Variants in RABGAP1 observed in about 807,000 individuals in gnomAD.
RABGAP1 encodes rab GTPase-activating protein 1.
RABGAP1 carries 23 observed loss-of-function variants against 137.6 expected under a neutral mutation model. That is an observed-to-expected ratio of 0.17 (90% CI 0.12 to 0.24). RABGAP1 has a LOEUF of 0.24. Ranked by LOEUF, RABGAP1 falls within the 10% of genes least tolerant of loss-of-function variation. RABGAP1 has a pLI of 1.00. For missense variants in RABGAP1, 906 were observed against 1,275.8 expected, an observed-to-expected ratio of 0.71 and a Z score of 4.42; for synonymous variants, 451 against 450.7, an observed-to-expected ratio of 1.00 and a Z score of -0.01.
intron 6 of RABGAP1, among the ~76,000 whole-genome samples, chr9:122,993,232 A>C (rs754245419): frequency 4.6e-5 from 7 of 152,126 alleles, no homozygotes; most frequent in African/African-American, 1.7e-4. Context: ...AGAATAATTA[A>C]TGCTCTTCTC....
At chr9:122,955,732 G>C (rs1389447538) in intron 1 of RABGAP1, among the ~76,000 whole-genome samples, 7 of 152,092 alleles carry the variant, frequency 4.6e-5, no homozygotes, top group Admixed American at 4.6e-4. Context: ...TCTCCTGCCA[G>C]ATGTTTATAT....
chr9:122,945,147 C>CTTTTTTTTCTTTTTTTTTTTTTTTTTTTT (rs1833874522), intron 1 of RABGAP1, among the ~76,000 whole-genome samples: 1 of 75,768 alleles, frequency 1.3e-5, no homozygotes, highest in Non-Finnish European at 2.9e-5. Context: ...ATAGCTGTTG[C>CTTTTTTTTCTTTTTTTTTTTTTTTTTTTT]TTTTTTTTTT....
At chr9:122,945,165 G>T (rs1481247527) in intron 1 of RABGAP1, among the ~76,000 whole-genome samples, 7 of 13,614 alleles carry the variant, frequency 5.1e-4, no homozygotes, top group Non-Finnish European at 1.3e-3. Flanking sequence ...TTTTTTTTTA[G>T]CATAAACTGG....
intron 6 of RABGAP1, among the ~76,000 whole-genome samples, chr9:122,993,412 T>G (rs1383898699): frequency 1.3e-5 from 2 of 152,048 alleles, no homozygotes; most frequent in Non-Finnish European, 2.9e-5. Flanking sequence ...GCTGGAATTA[T>G]AGGTGCCCAC....
chr9:123,087,668 G>C (rs940190174), intron 19 of RABGAP1, among the ~76,000 whole-genome samples: 2 of 152,176 alleles, frequency 1.3e-5, no homozygotes, highest in Non-Finnish European at 2.9e-5. Context: ...TCTTTCTGTA[G>C]AGGTCAGCTG....
At position 123,010,408 on chromosome 9, in the gene RABGAP1, T is replaced by C. The variant is rs1445164646; in HGVS notation, c.1429T>C (p.Leu477=). 5 of 1,613,682 alleles carry C rather than the reference T, an allele frequency of 3.1e-6. No homozygotes were observed. Among genetic ancestry groups the C allele is most frequent in the Non-Finnish European group, 4.2e-6 (5 of 1,179,738 alleles). ...NTDTLYEVVC[L]ESESERERRK... Reference sequence around the variant, plus strand: ...TGACACTTTATATGAAGTTGTATGCTTGGAAAGTGAATCAGAAAGAGAGAG... The same window carrying C: ...TGACACTTTATATGAAGTTGTATGCCTGGAAAGTGAATCAGAAAGAGAGAG... Residue 477 remains leucine (L), a synonymous_variant, in exon 11 of 26, where the codon TTG becomes CTG. Transcript: ENST00000373647.
At chr9:123,035,651 T>G in intron 13 of RABGAP1, 1 of 76,892 alleles carries the variant, frequency 1.3e-5, no homozygotes, top group African/African-American at 8.2e-5. Flanking sequence ...TGTGTGTGTG[T>G]GTGTGTGTGT....
rs1197344749 is a variant in RABGAP1 at position 123,081,411 on chromosome 9, A to G, written c.2424+4649A>G. Among the ~76,000 whole-genome samples the G allele has an allele frequency of 2.6e-5, 4 of 152,128 alleles. No homozygotes were observed. The East Asian group carries it at 7.7e-4, about 29-fold the overall frequency. ...TTTGCCTCACATGCCAGTCTAGGAAAAAGATAGCTACTTTTGTTGTCATTG... is the reference window on the plus strand; with the variant it reads ...TTTGCCTCACATGCCAGTCTAGGAAGAAGATAGCTACTTTTGTTGTCATTG... On this transcript the variant is annotated intron_variant, in intron 19 of 25. Coordinates refer to ENST00000373647, the MANE Select transcript of RABGAP1 (RefSeq NM_012197.4).
intron 2 of RABGAP1, among the ~76,000 whole-genome samples, chr9:122,982,195 T>C (rs1836104350): frequency 6.6e-6 from 1 of 152,246 alleles, no homozygotes; most frequent in Admixed American, 6.5e-5. Flanking sequence ...TTACTATTTT[T>C]AAACCACTCT....
intron 2 of RABGAP1, among the ~76,000 whole-genome samples, chr9:122,964,096 C>T (rs1834999481): frequency 6.6e-6 from 1 of 152,120 alleles, no homozygotes; most frequent in Non-Finnish European, 1.5e-5. Context: ...CCCAAAGAAA[C>T]CCTGGACTCA....
At chr9:122,936,429 C>T (rs1426544473), upstream of RABGAP1, among the ~76,000 whole-genome samples, 2 of 152,212 alleles carry the variant, frequency 1.3e-5, no homozygotes, top group Non-Finnish European at 2.9e-5. Context: ...TATGTTGGAA[C>T]TCTGGAGTCT....
In RABGAP1 at chr9:122,996,197, T is replaced by A. The variant is rs759776529; in HGVS notation, c.1034+46T>A. 33 of 1,576,108 alleles carry A rather than the reference T, an allele frequency of 2.1e-5. 1 individual carries two copies. In the South Asian group the frequency reaches 3.8e-4, roughly 18 times the overall value. On this transcript the variant is annotated intron_variant, in intron 7 of 25. Coordinates refer to ENST00000373647, the MANE Select transcript of RABGAP1 (RefSeq NM_012197.4). ...TAGCTTAAATATAAATTTTGGCTTT[T>A]ATCAATCTAATGGCATAGTTTTACA... is the stretch of plus-strand genomic sequence containing the variant.
intron 1 of RABGAP1, among the ~76,000 whole-genome samples, chr9:122,949,799 C>T (rs1834135566): frequency 6.6e-6 from 1 of 151,906 alleles, no homozygotes. Flanking sequence ...CCTGAGGAGC[C>T]CTAGAAGACA....
Position 122,990,206 on chromosome 9 carries a change from T to C in RABGAP1, c.916T>C (p.Tyr306His), listed in dbSNP as rs1247110955. 1 of 1,601,216 alleles carries C rather than the reference T, an allele frequency of 6.2e-7. No individual in the cohort carries two copies. Among genetic ancestry groups the C allele is most frequent in the Non-Finnish European group, 8.5e-7 (1 of 1,170,794 alleles). Residue 306 changes from tyrosine (Y) to histidine (H), a missense_variant, in exon 6 of 26, where the codon TAT becomes CAT. Physicochemically the swap from Tyr to His is moderately conservative, Grantham distance 83. Around this residue, in one of 9 missense-constraint regions of RABGAP1, gnomAD observed 17 missense variants for 57.4 expected, o/e 0.30. Transcript: ENST00000373647. ...LEIKEDDGKG[Y>H]FSAVPKDKDR... ...AATAAAAGAAGATGATGGTAAAGGTTATTTTAGGTAGGGAATCTTATTTTA... is the reference window on the plus strand; with the variant it reads ...AATAAAAGAAGATGATGGTAAAGGTCATTTTAGGTAGGGAATCTTATTTTA...
chr9:123,049,490 A>G (rs948385611), intron 13 of RABGAP1, among the ~76,000 whole-genome samples: 1 of 152,252 alleles, frequency 6.6e-6, no homozygotes. Flanking sequence ...AAAAAAGATA[A>G]TCAGCAAAGG....
intron 13 of RABGAP1, among the ~76,000 whole-genome samples, chr9:123,040,785 T>G (rs190680393): frequency 1.4e-4 from 21 of 152,174 alleles, no homozygotes; most frequent in African/African-American, 4.6e-4. Context: ...CTATAAAAAT[T>G]AATAGCATCA....
At chr9:123,080,574 AG>A (rs1434771950) in intron 19 of RABGAP1, among the ~76,000 whole-genome samples, 3 of 152,202 alleles carry the variant, frequency 2.0e-5, no homozygotes, top group African/African-American at 7.2e-5. Flanking sequence ...GTGATAATTC[AG>A]TGGTAACTTG....
chr9:122,950,513 C>T (rs2131600982), intron 1 of RABGAP1, among the ~76,000 whole-genome samples: 1 of 150,432 alleles, frequency 6.6e-6, no homozygotes, highest in East Asian at 2.0e-4. Context: ...TTTGAGATGA[C>T]CATAGGACGC....
intron 13 of RABGAP1, chr9:123,063,399 T>G (rs1427068963): frequency 6.5e-6 from 1 of 152,714 alleles, no homozygotes; most frequent in Admixed American, 6.5e-5. Flanking sequence ...TGCATTTATA[T>G]GTTCAGTTCT....
Sources: allele counts gnomAD v4.1 joint callset (sites outside exome capture counted in the v4.1 genomes callset), GRCh38; gene constraint gnomAD v4.1.1; regional missense constraint gnomAD v4.1.1; transcripts MANE v1.5; gene names NCBI Gene and HGNC (gene_info 2026-07-23, HGNC 2026-07-21).